VEPH1: variants seen among roughly 807,000 people sequenced by gnomAD.
The protein encoded by VEPH1 is ventricular zone expressed PH domain containing 1.
VEPH1 carries 80 observed loss-of-function variants against 85.2 expected under a neutral mutation model. That is an observed-to-expected ratio of 0.94 (90% CI 0.78 to 1.13). The LOEUF is 1.13. Ranked by LOEUF, VEPH1 falls within the 50% of genes most tolerant of loss-of-function variation. VEPH1 has a pLI of 0.00. For missense variants in VEPH1, 955 were observed against 980.5 expected (o/e 0.97, Z 0.35); for synonymous variants, 297 against 348.0 (o/e 0.85, Z 1.63).
At chr3:157,369,180 G>GGAAAAAAAAAAAAAAAAAAAAAA (rs1553773035) in intron 7 of VEPH1, among the ~76,000 whole-genome samples, 13 of 42,780 alleles carry the variant, frequency 3.0e-4, no homozygotes, top group Admixed American at 4.9e-4. Context: ...AAAACCAAAT[G>GGAAAAAAAAAAAAAAAAAAAAAA]AAAAAAAAAA....
intron 2 of VEPH1, among the ~76,000 whole-genome samples, chr3:157,487,105 G>A (rs929790623): frequency 5.3e-5 from 8 of 151,540 alleles, no homozygotes; most frequent in African/African-American, 1.9e-4. Flanking sequence ...CAATTGAGGA[G>A]ACTAAAAAAA....
chr3:157,402,976 G>A (rs1730885046), intron 6 of VEPH1, among the ~76,000 whole-genome samples: 1 of 152,090 alleles, frequency 6.6e-6, no homozygotes, highest in South Asian at 2.1e-4. Flanking sequence ...ATGTAAACCA[G>A]TACCAAGTTC....
chr3:157,359,206 G>A (rs1012353799), intron 9 of VEPH1, among the ~76,000 whole-genome samples: 4 of 152,154 alleles, frequency 2.6e-5, no homozygotes, highest in African/African-American at 9.7e-5. Context: ...TAGAACTTCA[G>A]TTATGGGCCA....
intron 4 of VEPH1, chr3:157,442,835 A>G (rs750897675): frequency 6.2e-7 from 1 of 1,614,118 alleles, no homozygotes; most frequent in African/African-American, 1.3e-5. Context: ...GGAGACTCAC[A>G]GGCTTCAATA....
Position 157,495,213 on chromosome 3 carries a change from G to A in VEPH1, c.137C>T (p.Ser46Leu), listed in dbSNP as rs757053819. 1.3e-5 allele frequency: 21 copies of A among 1,613,654 alleles called. No individual in the cohort carries two copies. The Admixed American group carries it at 2.5e-4, about 19-fold the overall frequency. ...LEQIKIISSS[S>L]DYQTNNNDQA... Reference sequence around the variant, plus strand: ...TAGTCTATAAACCAGTTTACTTACTGAAGATGAGCTAATTATCTTAATTTG... The same window carrying A: ...TAGTCTATAAACCAGTTTACTTACTAAAGATGAGCTAATTATCTTAATTTG... Residue 46 changes from serine (S) to leucine (L), a missense_variant and splice_region_variant, in exon 2 of 14, where the codon TCA (serine) becomes TTA (leucine). Transcript: ENST00000362010.
chr3:157,481,041 T>C (rs970680943), intron 2 of VEPH1, among the ~76,000 whole-genome samples: 3 of 152,192 alleles, frequency 2.0e-5, no homozygotes, highest in African/African-American at 7.2e-5. Context: ...TGCATTTCTC[T>C]GATGACTGCT....
At chr3:157,356,241 A>C (rs1374236123) in intron 9 of VEPH1, among the ~76,000 whole-genome samples, 1 of 151,332 alleles carries the variant, frequency 6.6e-6, no homozygotes, top group African/African-American at 2.4e-5. Flanking sequence ...ACAACAACAA[A>C]AAAACAAAAC....
At chr3:157,478,163 A>G (rs1737669034) in intron 2 of VEPH1, among the ~76,000 whole-genome samples, 1 of 152,142 alleles carries the variant, frequency 6.6e-6, no homozygotes, top group African/African-American at 2.4e-5. Flanking sequence ...GACAACCTGC[A>G]TCCAATGACT....
chr3:157,428,114 C>T (rs7632702), intron 5 of VEPH1, among the ~76,000 whole-genome samples: 67,600 of 151,956 alleles, frequency 0.44, 15,866 homozygotes, highest in Admixed American at 0.58. Context: ...GCATCTAGCT[C>T]GCAGATGACA....
intron 7 of VEPH1, among the ~76,000 whole-genome samples, chr3:157,369,191 A>AAAAAAAAAAAAAAAAAAC (rs1577469463): frequency 1.4e-5 from 2 of 145,088 alleles, no homozygotes; most frequent in Non-Finnish European, 3.0e-5. Context: ...AAAAAAAAAA[A>AAAAAAAAAAAAAAAAAAC]AAAAAAAAAA....
chr3:157,290,532 A>G (rs1458508274), intron 11 of VEPH1, among the ~76,000 whole-genome samples: 4 of 152,168 alleles, frequency 2.6e-5, no homozygotes, highest in South Asian at 2.1e-4. Flanking sequence ...CTTTTGCCCA[A>G]TTCTCCATGA....
Position 157,413,893 on chromosome 3 carries a change from C to T in VEPH1, c.894G>A (p.Gly298=). The change falls in exon 6 of 14, where the codon GGG becomes GGA. Residue 298 remains glycine, a synonymous_variant. Transcript: ENST00000362010. ...AAGCCAAACTTACTTCATCCACATG[C>T]CCAACAGCTCCATAAATCCTTGCCA... The part of the protein sequence containing the change: ...GQMARIYGAV[G]HVDEERARSC... The T allele has an allele frequency of 6.2e-7, 1 of 1,613,248 alleles. No homozygotes were observed. Among genetic ancestry groups the T allele is most frequent in the Non-Finnish European group, 8.5e-7 (1 of 1,179,456 alleles).
chr3:157,355,549 T>C (rs557723106), intron 9 of VEPH1, among the ~76,000 whole-genome samples: 23 of 152,354 alleles, frequency 1.5e-4, no homozygotes, highest in African/African-American at 4.6e-4. Flanking sequence ...ACAACATTCT[T>C]GTGCGTTGAG....
intron 12 of VEPH1, among the ~76,000 whole-genome samples, chr3:157,281,208 G>A (rs1054948395): frequency 4.6e-5 from 7 of 151,952 alleles, no homozygotes; most frequent in Non-Finnish European, 7.4e-5. Flanking sequence ...ATACCACAGA[G>A]ACATAAAATA....
chr3:157,313,547 TAA>T (rs34067114), intron 11 of VEPH1, 72 bp downstream of exon 11: 1 of 1,514,010 alleles, frequency 6.6e-7, no homozygotes. Context: ...ATTTAATTGC[TAA>T]AAAAAAGGGA....
At chr3:157,339,927 G>C (rs139059254) in intron 9 of VEPH1, among the ~76,000 whole-genome samples, 17 of 152,294 alleles carry the variant, frequency 1.1e-4, no homozygotes, top group African/African-American at 3.1e-4. Context: ...CTGATTCCGT[G>C]TCAAGATATT....
intron 6 of VEPH1, among the ~76,000 whole-genome samples, chr3:157,410,489 C>T (rs1262315933): frequency 6.6e-6 from 1 of 152,144 alleles, no homozygotes; most frequent in African/African-American, 2.4e-5. Flanking sequence ...TAGAGATATA[C>T]ACACATGCAC....
chr3:157,495,369 A>G lies in VEPH1; in HGVS notation c.-20T>C. The G allele has an allele frequency of 1.9e-6, 3 of 1,612,672 alleles. No individual in the cohort carries two copies. The highest frequency in any genetic ancestry group is 2.5e-6 in the Non-Finnish European group (3 of 1,179,374). On this transcript the variant is annotated 5_prime_UTR_variant, in exon 2 of 14. Coordinates refer to ENST00000362010, the MANE Select transcript of VEPH1 (RefSeq NM_001167912.2). Reference sequence around the variant, plus strand: ...ATGCATGGTGAGGATGAGTTTGATCAGTTGACTTTCTACAGACCCAGAGTC... The same window carrying G: ...ATGCATGGTGAGGATGAGTTTGATCGGTTGACTTTCTACAGACCCAGAGTC...
intron 4 of VEPH1, among the ~76,000 whole-genome samples, chr3:157,448,504 G>T (rs1734716849): frequency 6.6e-6 from 1 of 152,124 alleles, no homozygotes; most frequent in Non-Finnish European, 1.5e-5. Flanking sequence ...TTTTAAAAGG[G>T]CTTCCCTATA....
Sources: gnomAD v4.1 joint callset for allele counts (sites outside exome capture counted in the v4.1 genomes callset) on GRCh38, gnomAD v4.1.1 for gene constraint, MANE v1.5 for transcripts, NCBI Gene and HGNC (gene_info 2026-07-23, HGNC 2026-07-21) for gene names.